KCNG4: variants seen among roughly 807,000 people sequenced by gnomAD.
The protein encoded by KCNG4 is potassium voltage-gated channel modifier subfamily G member 4, also known as voltage-gated potassium channel regulatory subunit KCNG4.
A neutral mutation model predicts 28.2 loss-of-function variants in KCNG4; 30 were observed. That is an observed-to-expected ratio of 1.06 (90% CI 0.80 to 1.44). The LOEUF is 1.44. Among genes scored for constraint, KCNG4 ranks in the 40% most tolerant of loss-of-function variants. The pLI, the probability that KCNG4 is intolerant of heterozygous loss-of-function variation, is 0.00. For missense variants in KCNG4, 879 were observed against 712.3 expected (o/e 1.23, Z -2.66); for synonymous variants, 375 against 315.5 (o/e 1.19, Z -2.00).
At chr16:84,229,175 C>T (rs186129014) in intron 2 of KCNG4, among the ~76,000 whole-genome samples, 18 of 152,052 alleles carry the variant, frequency 1.2e-4, no homozygotes, top group Admixed American at 7.2e-4. Context: ...TGGTGCACAC[C>T]TGTAATCCGT....
chr16:84,228,557 C>T (rs918696786), intron 2 of KCNG4, among the ~76,000 whole-genome samples: 3 of 152,148 alleles, frequency 2.0e-5, no homozygotes, highest in Non-Finnish European at 4.4e-5. Flanking sequence ...GGCCTCCCCC[C>T]AGGCACTACT....
rs1427621830 is a variant in KCNG4 at position 84,239,728 on chromosome 16, C to T, written c.-99G>A. On this transcript the variant is annotated 5_prime_UTR_variant, in exon 1 of 3. Coordinates refer to ENST00000308251, the MANE Select transcript of KCNG4 (RefSeq NM_172347.3). ...TCTCTGCCAGGCAAGGGGAGCCCAT[C>T]TCTTGGTGCCCAGGGAAGGGACAGG... 6.6e-6 allele frequency: 1 copy of T among 151,990 alleles called. No individual in the cohort carries two copies. Among genetic ancestry groups the T allele is most frequent in the Non-Finnish European group, 1.5e-5 (1 of 68,034 alleles). 9.4% of individuals were successfully genotyped at this position (151,990 alleles called of 1,614,324 possible). A position where few individuals can be genotyped will look rare whatever the true frequency, so the allele number is the denominator to read the frequency against.
rs1029520869 is a variant in KCNG4, at chr16:84,220,149, T to C, written c.*2068A>G. The C allele has an allele frequency of 1.3e-5, 2 of 152,136 alleles. No homozygotes were observed. Among genetic ancestry groups the C allele is most frequent in the African/African-American group, 4.8e-5 (2 of 41,418 alleles). The allele number at this position is 152,136 out of a possible 1,614,324, so 9.4% of individuals were successfully genotyped here. On this transcript the variant is annotated 3_prime_UTR_variant, in exon 3 of 3. Coordinates refer to ENST00000308251, the MANE Select transcript of KCNG4 (RefSeq NM_172347.3). ...GCTACTGTCCAAGGTGCCTGTGACA[T>C]GGAATTTCTACGCAACGCTTATGGG...
rs751342046 is a variant in KCNG4 at position 84,222,866 on chromosome 16, G to A, written c.911C>T (p.Ser304Phe). The change falls in exon 3 of 3, where the codon TCC (serine) becomes TTC (phenylalanine). Residue 304 changes from serine (S) to phenylalanine (F), a missense_variant. By Grantham distance (155) the Ser-to-Phe change is radical. Coordinates refer to ENST00000308251, the MANE Select transcript of KCNG4 (RefSeq NM_172347.3). ...PLNIIDILAI[S>F]PYYVSLAVSE... ...CACCGCCAGCGACACGTAGTATGGGGAGATGGCCAGGATGTCGATGATGTT... is the reference window on the plus strand; with the variant it reads ...CACCGCCAGCGACACGTAGTATGGGAAGATGGCCAGGATGTCGATGATGTT... The A allele has an allele frequency of 1.2e-6, 2 of 1,612,526 alleles. No homozygotes were observed. Among genetic ancestry groups the A allele is most frequent in the Non-Finnish European group, 1.7e-6 (2 of 1,178,862 alleles).
At position 84,222,367 on chromosome 16, in the gene KCNG4, C is replaced by T. The variant is rs1904586158; in HGVS notation, c.1410G>A (p.Gln470=). The change falls in exon 3 of 3, where the codon CAG becomes CAA. Residue 470 remains glutamine, a synonymous_variant. Coordinates refer to ENST00000308251, the MANE Select transcript of KCNG4 (RefSeq NM_172347.3). ...GGAGGTGGCGGAGGCGGGCCTGAAG[C>T]TGCTCCTGCTCCTTCTTGAGCTCCA... ...SYLELKKEQE[Q]LQARLRHLQN... is the part of the protein sequence containing the mutation. The T allele has an allele frequency of 6.2e-7, 1 of 1,614,164 alleles. No individual in the cohort carries two copies. The highest frequency in any genetic ancestry group is 1.1e-5 in the South Asian group (1 of 91,082).
chr16:84,221,474 G>A lies in KCNG4; in HGVS notation c.*743C>T, dbSNP rs1002610520. The A allele has an allele frequency of 1.4e-5, 2 of 139,924 alleles. No individual in the cohort carries two copies. Among genetic ancestry groups the A allele is most frequent in the African/African-American group, 2.7e-5 (1 of 36,832 alleles). 8.7% of individuals were successfully genotyped at this position (139,924 alleles called of 1,614,324 possible). A position where few individuals can be genotyped will look rare whatever the true frequency, so the allele number is the denominator to read the frequency against. On this transcript the variant is annotated 3_prime_UTR_variant, in exon 3 of 3. Coordinates refer to ENST00000308251, the MANE Select transcript of KCNG4 (RefSeq NM_172347.3). ...GGGCCTGGCTGTGCTGGAAAGTGGA[G>A]TTTCTGCCCAGGTCCCAGGTCCCAG...
At chr16:84,224,861 C>T (rs1904661582) in intron 2 of KCNG4, among the ~76,000 whole-genome samples, 2 of 152,270 alleles carry the variant, frequency 1.3e-5, no homozygotes, top group South Asian at 4.1e-4. Context: ...CTTTCTGTGC[C>T]CTACCAGCCT....
At chr16:84,231,778 C>T (rs181017344) in intron 2 of KCNG4, among the ~76,000 whole-genome samples, 31 of 151,972 alleles carry the variant, frequency 2.0e-4, no homozygotes, top group Middle Eastern at 6.8e-3. Flanking sequence ...CAGAGGAGGG[C>T]GGATCACCTG....
intron 1 of KCNG4, among the ~76,000 whole-genome samples, chr16:84,238,305 G>C (rs1337585663): frequency 6.6e-6 from 1 of 152,130 alleles, no homozygotes; most frequent in African/African-American, 2.4e-5. Context: ...GTTCAGCGAG[G>C]GTCTGTTATT....
In KCNG4 at chr16:84,226,139, G is replaced by A. The variant is rs1163145938; in HGVS notation, c.757-3119C>T. The stretch of plus-strand genomic sequence containing the variant: ...TCCTAGCCCTTGCCACAGGCAGAGC[G>A]AGGTGTGTTCTGGCTCCTTCCTGCA... On this transcript the variant is annotated intron_variant, in intron 2 of 2. Coordinates refer to ENST00000308251, the MANE Select transcript of KCNG4 (RefSeq NM_172347.3). This position sits in a 1 kb window ranked among gnomAD's most constrained non-coding sequence, Gnocchi z 4.1. 1.3e-5 allele frequency among the ~76,000 whole-genome samples: 2 copies of A among 152,340 alleles called. No homozygotes were observed. The highest frequency in any genetic ancestry group is 6.5e-5 in the Admixed American group (1 of 15,300).
intron 1 of KCNG4, among the ~76,000 whole-genome samples, chr16:84,238,898 G>A (rs1469696860): frequency 2.0e-5 from 3 of 152,054 alleles, no homozygotes; most frequent in Admixed American, 2.0e-4. Context: ...AAATGACGGG[G>A]CCTCTAATGC....
At chr16:84,228,557 C>G (rs918696786) in intron 2 of KCNG4, among the ~76,000 whole-genome samples, 5 of 152,266 alleles carry the variant, frequency 3.3e-5, no homozygotes, top group Non-Finnish European at 5.9e-5. Flanking sequence ...GGCCTCCCCC[C>G]AGGCACTACT....
At chr16:84,236,313 T>G (rs1336655076) in intron 2 of KCNG4, 5 of 247,178 alleles carry the variant, frequency 2.0e-5, no homozygotes, top group Middle Eastern at 1.4e-3. Context: ...AGTAAACACA[T>G]GTTGAGTTCA....
rs992717669 is a variant in KCNG4 at position 84,222,072 on chromosome 16, C to G, written c.*145G>C. 3.4e-6 allele frequency: 3 copies of G among 881,238 alleles called. No individual in the cohort carries two copies. Among genetic ancestry groups the G allele is most frequent in the Non-Finnish European group, 5.4e-6 (3 of 560,612 alleles). The allele number at this position is 881,238 out of a possible 1,614,324, so 54.6% of individuals were successfully genotyped here. Reference sequence around the variant, plus strand: ...AGGGACAAGGATCACAGACACACAGCCTCTGTGGCCTTATGCCCCTCCAGC... The same window carrying G: ...AGGGACAAGGATCACAGACACACAGGCTCTGTGGCCTTATGCCCCTCCAGC... On this transcript the variant is annotated 3_prime_UTR_variant, in exon 3 of 3. Coordinates refer to ENST00000308251, the MANE Select transcript of KCNG4 (RefSeq NM_172347.3).
intron 1 of KCNG4, among the ~76,000 whole-genome samples, chr16:84,239,134 G>A (rs551782280): frequency 5.9e-5 from 9 of 152,252 alleles, no homozygotes; most frequent in African/African-American, 4.8e-5. Flanking sequence ...CAGTGGAACG[G>A]AAATCAAAGT....
Position 84,237,519 on chromosome 16 carries a change from T to C in KCNG4, c.-34A>G. The C allele has an allele frequency of 6.9e-7, 1 of 1,456,608 alleles. No individual in the cohort carries two copies. Among genetic ancestry groups the C allele is most frequent in the Non-Finnish European group, 9.0e-7 (1 of 1,105,378 alleles). 90.2% of individuals were successfully genotyped at this position (1,456,608 alleles called of 1,614,324 possible). A position where few individuals can be genotyped will look rare whatever the true frequency, so the allele number is the denominator to read the frequency against. On this transcript the variant is annotated 5_prime_UTR_variant, in exon 2 of 3. The change abolishes the stop of an existing upstream ORF in the 5' untranslated region. Transcript: ENST00000308251. ...ACCACCAGGTAGGAAGCGCTGGGTT[T>C]ACCAGTCTGACACCCAAGGGACAAA...
intron 1 of KCNG4, among the ~76,000 whole-genome samples, chr16:84,238,169 TC>T (rs777118942): frequency 2.0e-5 from 3 of 152,136 alleles, no homozygotes; most frequent in Non-Finnish European, 4.4e-5. Flanking sequence ...ATGCCTGGCT[TC>T]CCCTAACTCA....
rs111231393 is a variant in KCNG4, at chr16:84,221,944, G to A, written c.*273C>T. 7.0e-5 allele frequency: 33 copies of A among 472,386 alleles called. No individual in the cohort carries two copies. The highest frequency in any genetic ancestry group is 5.9e-4 in the African/African-American group (30 of 50,758). 29.3% of individuals were successfully genotyped at this position (472,386 alleles called of 1,614,324 possible). A position where few individuals can be genotyped will look rare whatever the true frequency, so the allele number is the denominator to read the frequency against. ...GCTGGGAAGGAAAAGAGAATGAAAG[G>A]AGACTGAGCTACTCCAGCAAGATTG... On this transcript the variant is annotated 3_prime_UTR_variant, in exon 3 of 3. Coordinates refer to ENST00000308251, the MANE Select transcript of KCNG4 (RefSeq NM_172347.3).
intron 2 of KCNG4, among the ~76,000 whole-genome samples, chr16:84,228,812 C>T (rs927904551): frequency 6.6e-6 from 1 of 152,244 alleles, no homozygotes; most frequent in Admixed American, 6.5e-5. Flanking sequence ...CCCGGGAGAC[C>T]CGCTGAGGGA....
Sources: gnomAD v4.1 joint callset for allele counts (sites outside exome capture counted in the v4.1 genomes callset) on GRCh38, gnomAD v4.1.1 for gene constraint, Gnocchi (gnomAD v3.1) non-coding constraint, MANE v1.5 for transcripts, NCBI Gene and HGNC (gene_info 2026-07-23, HGNC 2026-07-21) for gene names.